The following RGS7BP variants were observed in gnomAD, a reference collection of about 807,000 sequenced individuals.
RGS7BP encodes regulator of G protein signaling 7 binding protein.
Under a neutral mutation model 31.3 loss-of-function variants are expected in RGS7BP, and 9 were observed. That is an observed-to-expected ratio of 0.29 (90% CI 0.17 to 0.50). RGS7BP has a LOEUF of 0.50. RGS7BP is among the 20% of genes least tolerant of loss of function. The pLI, the probability that RGS7BP is intolerant of heterozygous loss-of-function variation, is 0.98. For missense variants in RGS7BP, 274 were observed against 322.0 expected (o/e 0.85, Z 1.14); for synonymous variants, 115 against 120.1 (o/e 0.96, Z 0.28).
chr5:64,593,193 C>G (rs1742967504), intron 3 of RGS7BP, among the ~76,000 whole-genome samples: 1 of 152,164 alleles, frequency 6.6e-6, no homozygotes, highest in African/African-American at 2.4e-5. Context: ...CCGAGTTCCA[C>G]TATAGGTTCC....
chr5:64,600,647 A>T (rs1441657510), intron 5 of RGS7BP, among the ~76,000 whole-genome samples: 1 of 152,226 alleles, frequency 6.6e-6, no homozygotes, highest in Admixed American at 6.5e-5. Context: ...TAGAAAGGAG[A>T]CATAAGGACT....
In RGS7BP at chr5:64,607,292, T is replaced by C. The variant is rs931451341; in HGVS notation, c.683-1869T>C. 3.3e-5 allele frequency among the ~76,000 whole-genome samples: 5 copies of C among 152,092 alleles called. No homozygotes were observed. In the South Asian group the frequency reaches 8.3e-4, roughly 25 times the overall value. On this transcript the variant is annotated intron_variant, in intron 5 of 5. Transcript: ENST00000334025. Reference sequence around the variant, plus strand: ...AGTATCTGAGACACATCTCAGTCAATGTAGAAATTTATTTTGCCAAGATTA... The same window carrying C: ...AGTATCTGAGACACATCTCAGTCAACGTAGAAATTTATTTTGCCAAGATTA...
At chr5:64,589,926 A>G (rs1197343856) in intron 3 of RGS7BP, among the ~76,000 whole-genome samples, 18 of 97,738 alleles carry the variant, frequency 1.8e-4, no homozygotes. Flanking sequence ...CCCTGACTCA[A>G]AAAAAAAAAA....
rs1748734739 is a variant in RGS7BP at position 64,507,748 on chromosome 5, G to C, written c.203G>C (p.Arg68Pro). 1 of 1,613,166 alleles carries C rather than the reference G, an allele frequency of 6.2e-7. No homozygotes were observed. The highest frequency in any genetic ancestry group is 8.5e-7 in the Non-Finnish European group (1 of 1,179,774). ...TTCAACACACAAGTGGCCCTGTACCGAGAGCTGGTCATTTCTATTGGGGAT... is the reference window on the plus strand; with the variant it reads ...TTCAACACACAAGTGGCCCTGTACCCAGAGCTGGTCATTTCTATTGGGGAT... ...QEFNTQVALY[R>P]ELVISIGDVS... Residue 68 changes from arginine to proline, a missense_variant, in exon 2 of 6, where the codon CGA (arginine) becomes CCA (proline). Physicochemically the swap from Arg to Pro is moderately radical, Grantham distance 103 (BLOSUM62 -2). Coordinates refer to ENST00000334025, the MANE Select transcript of RGS7BP (RefSeq NM_001029875.3).
At chr5:64,533,599 T>A (rs1749428493) in intron 2 of RGS7BP, among the ~76,000 whole-genome samples, 1 of 152,148 alleles carries the variant, frequency 6.6e-6, no homozygotes, top group Admixed American at 6.6e-5. Context: ...CCCTAGAAAG[T>A]GGCAGGATGA....
At chr5:64,528,420 A>G (rs1236530887) in intron 2 of RGS7BP, among the ~76,000 whole-genome samples, 1 of 152,218 alleles carries the variant, frequency 6.6e-6, no homozygotes, top group Non-Finnish European at 1.5e-5. Context: ...ACAATTGTTC[A>G]ATAAATTTTC....
chr5:64,535,803 G>A (rs1741335750), intron 2 of RGS7BP, among the ~76,000 whole-genome samples: 1 of 152,170 alleles, frequency 6.6e-6, no homozygotes, highest in Admixed American at 6.5e-5. Context: ...ACCTCAAGAA[G>A]CAACGGAATA....
At chr5:64,543,973 A>G (rs1741587448) in intron 2 of RGS7BP, among the ~76,000 whole-genome samples, 1 of 152,222 alleles carries the variant, frequency 6.6e-6, no homozygotes, top group Non-Finnish European at 1.5e-5. Flanking sequence ...AAACTTTTCA[A>G]TGGTTCCCTT....
At chr5:64,591,325 C>CTTTT (rs1456594567) in intron 3 of RGS7BP, among the ~76,000 whole-genome samples, 1 of 151,656 alleles carries the variant, frequency 6.6e-6, no homozygotes, top group Non-Finnish European at 1.5e-5. Flanking sequence ...TACCCCTGAA[C>CTTTT]TTAAAAGTGT....
At chr5:64,578,010 T>G (rs1327422651) in intron 3 of RGS7BP, among the ~76,000 whole-genome samples, 1 of 152,226 alleles carries the variant, frequency 6.6e-6, no homozygotes, top group Non-Finnish European at 1.5e-5. Flanking sequence ...ACTCTTACTT[T>G]TTGTCTTTTC....
chr5:64,535,178 T>G (rs1749474835), intron 2 of RGS7BP, among the ~76,000 whole-genome samples: 1 of 152,100 alleles, frequency 6.6e-6, no homozygotes, highest in Non-Finnish European at 1.5e-5. Context: ...GAAAGTGAGA[T>G]GTGAGGACGT....
At chr5:64,512,830 T>C (rs1748874238) in intron 2 of RGS7BP, among the ~76,000 whole-genome samples, 2 of 151,838 alleles carry the variant, frequency 1.3e-5, no homozygotes, top group African/African-American at 4.9e-5. Context: ...ATAAAAATTA[T>C]ATGGAGATAT....
At chr5:64,600,526 C>G (rs940202288) in intron 5 of RGS7BP, among the ~76,000 whole-genome samples, 6 of 151,744 alleles carry the variant, frequency 4.0e-5, no homozygotes, top group Non-Finnish European at 8.8e-5. Context: ...TAATAATAAT[C>G]AAAGGTTGAT....
rs531651308 is a variant in RGS7BP at position 64,546,154 on chromosome 5, AAAAACAAAAC to A, written c.333-29600_333-29591del. Among the ~76,000 whole-genome samples the A allele has an allele frequency of 1.1e-3, 171 of 152,258 alleles. 1 individual carries two copies. Among genetic ancestry groups the A allele is most frequent in the East Asian group, 4.4e-3 (23 of 5,174 alleles). On this transcript the variant is annotated intron_variant, in intron 2 of 5. Coordinates refer to ENST00000334025, the MANE Select transcript of RGS7BP (RefSeq NM_001029875.3). Reference sequence around the variant, plus strand: ...GGGCGACAGAACAAGACTCTGTCTCAAAAACAAAACAAAACAAAACAAAACAAAAGTCTGA... The same window carrying A: ...GGGCGACAGAACAAGACTCTGTCTCAAAAACAAAACAAAACAAAAGTCTGA...
intron 5 of RGS7BP, among the ~76,000 whole-genome samples, chr5:64,608,687 C>G (rs1221815982): frequency 2.6e-5 from 4 of 152,044 alleles, no homozygotes; most frequent in African/African-American, 9.7e-5. Flanking sequence ...TTACAGACAG[C>G]TTAGCAAGCT....
rs573217727 is a variant in RGS7BP, at chr5:64,518,764, T to G, written c.332+10887T>G. Among the ~76,000 whole-genome samples the G allele has an allele frequency of 4.6e-5, 7 of 152,246 alleles. No individual in the cohort carries two copies. In the South Asian group the frequency reaches 1.5e-3, roughly 32 times the overall value. ...CCAAAGTGGTAGGGATGGCAAACAT[T>G]GGTTCATGATTGAAGAACATCATGA... On this transcript the variant is annotated intron_variant, in intron 2 of 5. Transcript: ENST00000334025.
Position 64,609,613 on chromosome 5 carries a change from T to A in RGS7BP, c.*361T>A, listed in dbSNP as rs540140154. The A allele has an allele frequency of 9.9e-5, 17 of 171,546 alleles. No homozygotes were observed. In the East Asian group the frequency reaches 2.3e-3, roughly 23 times the overall value. 10.6% of individuals were successfully genotyped at this position (171,546 alleles called of 1,614,324 possible). On this transcript the variant is annotated 3_prime_UTR_variant, in exon 6 of 6. Transcript: ENST00000334025. ...AAAATATTTCACATATAATAGTATA[T>A]CTATAGCTCTTGCTGATCTCATGTT...
chr5:64,528,278 A>T (rs1243844848), intron 2 of RGS7BP, among the ~76,000 whole-genome samples: 3 of 152,186 alleles, frequency 2.0e-5, no homozygotes, highest in Admixed American at 2.0e-4. Context: ...GAGGCCAGGG[A>T]GCCAGGAGAG....
chr5:64,588,285 C>T (rs1199067620), intron 3 of RGS7BP, among the ~76,000 whole-genome samples: 1 of 152,164 alleles, frequency 6.6e-6, no homozygotes, highest in African/African-American at 2.4e-5. Flanking sequence ...GCACTGACTG[C>T]CCTTTGTTTT....
Sources: allele counts gnomAD v4.1 joint callset (sites outside exome capture counted in the v4.1 genomes callset), GRCh38; gene constraint gnomAD v4.1.1; transcripts MANE v1.5; gene names NCBI Gene and HGNC (gene_info 2026-07-23, HGNC 2026-07-21).